Variants in CMIP observed in about 807,000 individuals in gnomAD.
CMIP encodes the protein C-Maf-inducing protein.
In CMIP, 13 loss-of-function variants were observed where a neutral mutation model predicts 97.3. The observed-to-expected ratio is 0.13, with a 90% CI of 0.09 to 0.21. The LOEUF is 0.21. Ranked by LOEUF, CMIP falls within the 10% of genes least tolerant of loss-of-function variation. The pLI, the probability that CMIP is intolerant of heterozygous loss-of-function variation, is 1.00. For synonymous variants in CMIP, 538 were observed against 436.3 expected (o/e 1.23, Z -2.91); for missense variants, 847 against 1,024.9 (o/e 0.83, Z 2.37).
rs565387084 is a variant in CMIP, at chr16:81,605,167, G to T, written c.301-2400G>T. 4.6e-5 allele frequency among the ~76,000 whole-genome samples: 7 copies of T among 152,342 alleles called. No homozygotes were observed. The South Asian group carries it at 1.4e-3, about 32-fold the overall frequency. ...GCTGAGTCATTTACTGCAGAATAGG[G>T]AGAACAGAACAGTGCACGGGATGCT... On this transcript the variant is annotated intron_variant, in intron 1 of 20. Transcript: ENST00000537098.
At chr16:81,549,117 G>A (rs567129782) in intron 1 of CMIP, among the ~76,000 whole-genome samples, 1 of 152,338 alleles carries the variant, frequency 6.6e-6, no homozygotes, top group East Asian at 1.9e-4. Flanking sequence ...GGTAGTCAGG[G>A]AAAGGGGCTT....
intron 1 of CMIP, among the ~76,000 whole-genome samples, chr16:81,588,443 G>A (rs532008170): frequency 4.6e-5 from 7 of 152,150 alleles, no homozygotes; most frequent in African/African-American, 1.2e-4. Flanking sequence ...GTGTGGTCCC[G>A]GTGTGCCACC....
At chr16:81,502,643 C>G (rs758708769) in intron 1 of CMIP, among the ~76,000 whole-genome samples, 5 of 152,206 alleles carry the variant, frequency 3.3e-5, no homozygotes, top group African/African-American at 4.8e-5. Context: ...GAAATGAAGT[C>G]ACATCCAAGA....
At chr16:81,578,806 A>G (rs903104732) in intron 1 of CMIP, among the ~76,000 whole-genome samples, 2 of 152,346 alleles carry the variant, frequency 1.3e-5, no homozygotes, top group Admixed American at 6.5e-5. Context: ...GAAAAGTTCC[A>G]TGGCAGATAA....
At chr16:81,510,683 A>T (rs2089794228) in intron 1 of CMIP, among the ~76,000 whole-genome samples, 1 of 152,092 alleles carries the variant, frequency 6.6e-6, no homozygotes, top group African/African-American at 2.4e-5. Flanking sequence ...CTTCATTAAA[A>T]CAAAAAAAAT....
chr16:81,645,461 C>T, intron 3 of CMIP: 2 of 1,526,734 alleles, frequency 1.3e-6, no homozygotes, highest in Non-Finnish European at 1.8e-6. Flanking sequence ...TCACTCCTCT[C>T]CTGGCAAGGG....
At chr16:81,679,681 G>C (rs1489663704) in intron 10 of CMIP, among the ~76,000 whole-genome samples, 1 of 152,026 alleles carries the variant, frequency 6.6e-6, no homozygotes, top group Non-Finnish European at 1.5e-5. Flanking sequence ...CTTCTGAGCT[G>C]GCTCCTTCTG....
chr16:81,672,179 G>A, intron 9 of CMIP, 109 bp downstream of exon 9: 1 of 656,524 alleles, frequency 1.5e-6, no homozygotes. Context: ...TGGAGTGGCT[G>A]TTTACTGGGC....
At chr16:81,654,930 C>G (rs540739433) in intron 4 of CMIP, among the ~76,000 whole-genome samples, 1 of 152,314 alleles carries the variant, frequency 6.6e-6, no homozygotes, top group African/African-American at 2.4e-5. Context: ...TTGTCCTGCC[C>G]TCAGTAGCTG....
At chr16:81,546,378 T>A (rs1364464521) in intron 1 of CMIP, among the ~76,000 whole-genome samples, 1 of 152,074 alleles carries the variant, frequency 6.6e-6, no homozygotes, top group Non-Finnish European at 1.5e-5. Context: ...CGGCGGTCCC[T>A]TTAGCAAGAG....
chr16:81,564,745 G>C (rs2090949042), intron 1 of CMIP, among the ~76,000 whole-genome samples: 1 of 152,200 alleles, frequency 6.6e-6, no homozygotes, highest in South Asian at 2.1e-4. Flanking sequence ...TTGGGGACTA[G>C]GGGAAGAGTC....
chr16:81,629,854 G>A (rs1284429556), intron 3 of CMIP, among the ~76,000 whole-genome samples: 1 of 152,240 alleles, frequency 6.6e-6, no homozygotes, highest in Non-Finnish European at 1.5e-5. Flanking sequence ...GTCGTTCCCA[G>A]CTTTCCTCAG....
intron 1 of CMIP, among the ~76,000 whole-genome samples, chr16:81,597,701 G>A (rs1253172802): frequency 6.6e-6 from 1 of 152,074 alleles, no homozygotes; most frequent in Non-Finnish European, 1.5e-5. Context: ...CAGGGGCTTG[G>A]GCCAGTTCCC....
Position 81,652,473 on chromosome 16 carries a change from T to C in CMIP, c.639+109T>C, listed in dbSNP as rs566284480. ...GCAGAGCTCCGTGTGGGCTGTGTTG[T>C]TGCCCTGCTGCCGAAGGAGGTGAGC... On this transcript the variant is annotated intron_variant, in intron 4 of 20. Coordinates refer to ENST00000537098, the MANE Select transcript of CMIP (RefSeq NM_198390.3). The surrounding 1 kb of genome is among the most constrained non-coding windows in gnomAD (Gnocchi z 5.2). 1.9e-4 allele frequency: 189 copies of C among 988,706 alleles called. 2 individuals are homozygous for C. In the South Asian group the frequency reaches 2.8e-3, roughly 15 times the overall value. The allele number at this position is 988,706 out of a possible 1,614,324, so 61.2% of individuals were successfully genotyped here. A position where few individuals can be genotyped will look rare whatever the true frequency, so the allele number is the denominator to read the frequency against.
At chr16:81,524,615 G>A (rs1416027444) in intron 1 of CMIP, among the ~76,000 whole-genome samples, 1 of 152,182 alleles carries the variant, frequency 6.6e-6, no homozygotes, top group Non-Finnish European at 1.5e-5. Flanking sequence ...TGCCGAAATT[G>A]AGGTCAGAGA....
At chr16:81,602,140 G>A (rs1350254869) in intron 1 of CMIP, among the ~76,000 whole-genome samples, 1 of 152,160 alleles carries the variant, frequency 6.6e-6, no homozygotes, top group African/African-American at 2.4e-5. Context: ...CTGAGGGAGG[G>A]GGTGAGAGCA....
intron 1 of CMIP, among the ~76,000 whole-genome samples, chr16:81,460,323 G>A (rs1361987826): frequency 1.3e-5 from 2 of 152,022 alleles, no homozygotes; most frequent in Non-Finnish European, 2.9e-5. Flanking sequence ...GGTTGCCAGC[G>A]GTTGCCATGG....
chr16:81,496,885 G>A (rs779287496), intron 1 of CMIP, among the ~76,000 whole-genome samples: 8 of 152,280 alleles, frequency 5.3e-5, no homozygotes, highest in Non-Finnish European at 1.2e-4. Flanking sequence ...AGCCAGTGCC[G>A]CTTGGCGGGC....
At chr16:81,576,492 G>A (rs936921110) in intron 1 of CMIP, among the ~76,000 whole-genome samples, 9 of 152,114 alleles carry the variant, frequency 5.9e-5, no homozygotes, top group African/African-American at 2.2e-4. Flanking sequence ...TTTTAAGGGA[G>A]GTTCAGTTGT....
Sources: gnomAD v4.1 joint callset for allele counts (sites outside exome capture counted in the v4.1 genomes callset) on GRCh38, gnomAD v4.1.1 for gene constraint, Gnocchi (gnomAD v3.1) non-coding constraint, MANE v1.5 for transcripts, NCBI Gene and HGNC (gene_info 2026-07-23, HGNC 2026-07-21) for gene names.